Variants in ARG2 observed in about 807,000 individuals in gnomAD.
ARG2 encodes the protein arginase 2, also known as arginase-2, mitochondrial.
In ARG2, 21 loss-of-function variants were observed where a neutral mutation model predicts 39.4. The observed-to-expected ratio is 0.53, with a 90% CI of 0.38 to 0.77. The LOEUF (loss-of-function observed/expected upper bound fraction) is 0.77. Among genes scored for constraint, ARG2 ranks in the 30% least tolerant of loss-of-function variants. The probability of loss-of-function intolerance (pLI) is 0.00; values close to 1 mark genes in which losing one functional copy is unlikely to be tolerated. For synonymous variants in ARG2, 150 were observed against 156.7 expected, an observed-to-expected ratio of 0.96 and a Z score of 0.32; for missense variants, 378 against 426.2, an observed-to-expected ratio of 0.89 and a Z score of 1.00.
chr14:67,629,603 G>A (rs1354402061), intron 2 of ARG2, among the ~76,000 whole-genome samples: 1 of 149,396 alleles, frequency 6.7e-6, no homozygotes, highest in African/African-American at 2.4e-5. Flanking sequence ...GGAGATGGAT[G>A]ATGGTAGTGA....
chr14:67,627,970 A>G (rs2036884858), intron 2 of ARG2, among the ~76,000 whole-genome samples: 1 of 152,214 alleles, frequency 6.6e-6, no homozygotes, highest in African/African-American at 2.4e-5. Context: ...TTGGAAGAGT[A>G]AATGTCTAGC....
rs139496019 is a variant in ARG2, at chr14:67,642,336, G to T, written c.335G>T (p.Ser112Ile). 1.2e-6 allele frequency: 2 copies of T among 1,613,906 alleles called. No individual in the cohort carries two copies. Among genetic ancestry groups the T allele is most frequent in the Non-Finnish European group, 1.7e-6 (2 of 1,180,000 alleles). Residue 112 changes from serine (S) to isoleucine (I), a missense_variant, in exon 3 of 8, where the codon AGC (serine) becomes ATC (isoleucine). Ser to Ile is a moderately radical substitution (Grantham distance 142, BLOSUM62 -2). Coordinates refer to ENST00000261783, the MANE Select transcript of ARG2 (RefSeq NM_001172.4). ...AGCAGAGCTGTGTCAGATGGCTACA[G>T]CTGTGTCACACTGGGAGGAGACCAC... ...VVSRAVSDGY[S>I]CVTLGGDHSL... is the part of the protein sequence containing the mutation.
At position 67,645,920 on chromosome 14, in the gene ARG2, T is replaced by C. The variant is rs569364869; in HGVS notation, c.522+118T>C. The C allele has an allele frequency of 1.5e-5, 17 of 1,168,334 alleles. No individual in the cohort carries two copies. The South Asian group carries it at 2.4e-4, about 16-fold the overall frequency. 72.4% of individuals were successfully genotyped at this position (1,168,334 alleles called of 1,614,324 possible). On this transcript the variant is annotated intron_variant, in intron 4 of 7. Transcript: ENST00000261783. ...TGAGTGTGGATTACCACTCCTTCAT[T>C]TGTTCATCACTATTATGGACCAGGC...
intron 4 of ARG2, chr14:67,646,347 G>A: frequency 2.7e-6 from 1 of 367,254 alleles, no homozygotes; most frequent in South Asian, 4.5e-5. Context: ...TGTGCAATGG[G>A]ATAGAAAAGG....
chr14:67,647,879 A>G (rs1440307586), intron 6 of ARG2, 168 bp from the exon 7 acceptor site: 2 of 675,280 alleles, frequency 3.0e-6, no homozygotes, highest in Non-Finnish European at 4.9e-6. Flanking sequence ...TGCCAATCTC[A>G]GTAACTTCCA....
At chr14:67,624,140 C>G (rs937115006) in intron 2 of ARG2, among the ~76,000 whole-genome samples, 1 of 152,140 alleles carries the variant, frequency 6.6e-6, no homozygotes, top group East Asian at 1.9e-4. Context: ...TATCTGCACT[C>G]GATTTTGGTT....
At chr14:67,634,774 A>C (rs2036953947) in intron 2 of ARG2, among the ~76,000 whole-genome samples, 1 of 152,272 alleles carries the variant, frequency 6.6e-6, no homozygotes, top group Non-Finnish European at 1.5e-5. Context: ...AGTACAATTC[A>C]GAGGCAGAAC....
intron 7 of ARG2, chr14:67,649,293 A>C (rs2037141420): frequency 6.6e-6 from 1 of 152,172 alleles, no homozygotes; most frequent in Admixed American, 6.6e-5. Context: ...AGGCCAAGGC[A>C]AGAGGATTAC....
chr14:67,641,324 T>A lies in ARG2; in HGVS notation c.185-862T>A, dbSNP rs1001713846. Among the ~76,000 whole-genome samples the A allele has an allele frequency of 5.3e-5, 8 of 152,122 alleles. No homozygotes were observed. In the East Asian group the frequency reaches 9.6e-4, roughly 18 times the overall value. ...CAAATATTCCAAAATCTGAAAAAAA[T>A]AAAAAATCTAAAACACTTCTGGTCC... On this transcript the variant is annotated intron_variant, in intron 2 of 7. Transcript: ENST00000261783.
At position 67,648,045 on chromosome 14, in the gene ARG2, A is replaced by G. The variant is rs1261684074; in HGVS notation, c.723-2A>G. ...GTATTATTTTATCCTCTTCCTTTTT[A>G]GGAGACAAAGACCAATCCATTTGAG... is the stretch of plus-strand genomic sequence containing the variant. On this transcript the variant is annotated splice_acceptor_variant, in intron 6 of 7. Transcript: ENST00000261783. LOFTEE classifies it high-confidence loss of function. 1.2e-6 allele frequency: 2 copies of G among 1,607,490 alleles called. No individual in the cohort carries two copies. The highest frequency in any genetic ancestry group is 1.1e-5 in the South Asian group (1 of 90,246).
chr14:67,631,721 T>C (rs2036921054), intron 2 of ARG2, among the ~76,000 whole-genome samples: 1 of 152,152 alleles, frequency 6.6e-6, no homozygotes, highest in Non-Finnish European at 1.5e-5. Flanking sequence ...TGTGAGCCAC[T>C]GCATCTGGCC....
chr14:67,640,483 T>C (rs990482798), intron 2 of ARG2, among the ~76,000 whole-genome samples: 4 of 152,220 alleles, frequency 2.6e-5, no homozygotes, highest in African/African-American at 9.6e-5. Flanking sequence ...GCTCCTCAAA[T>C]TTTTATATTT....
intron 2 of ARG2, among the ~76,000 whole-genome samples, chr14:67,621,448 C>T (rs769711035): frequency 5.9e-5 from 9 of 151,634 alleles, no homozygotes; most frequent in Non-Finnish European, 1.0e-4. Flanking sequence ...CTATATTTTC[C>T]GTGTTCTTTT....
intron 2 of ARG2, among the ~76,000 whole-genome samples, chr14:67,627,521 A>C (rs2140721922): frequency 6.6e-6 from 1 of 152,246 alleles, no homozygotes; most frequent in African/African-American, 2.4e-5. Flanking sequence ...ACAGTGTCAT[A>C]TCTTTGGGAC....
Position 67,648,189 on chromosome 14 carries a change from T to TAGCAACCAGGTCTGC in ARG2, c.859+10_859+24dup. The TAGCAACCAGGTCTGC allele has an allele frequency of 6.2e-7, 1 of 1,611,562 alleles. No homozygotes were observed. The highest frequency in any genetic ancestry group is 1.1e-5 in the South Asian group (1 of 90,682). ...TGAGGAAATACACAATACAGGTATG[T>TAGCAACCAGGTCTGC]AGCAACCAGGTCTGCAGCCTGTTAA... On this transcript the variant is annotated splice_region_variant and intron_variant, in intron 7 of 7. Coordinates refer to ENST00000261783, the MANE Select transcript of ARG2 (RefSeq NM_001172.4).
chr14:67,647,000 C>T lies in ARG2; in HGVS notation c.697C>T (p.Arg233Ter), dbSNP rs145867978. The change falls in exon 6 of 8, where the codon CGA becomes TGA. Residue 233 changes from arginine (R) to a stop codon, truncating the protein, a stop_gained. Transcript: ENST00000261783. LOFTEE classifies it high-confidence loss of function. ...ACTTGGTATCCAGAAGGTCATGGAA[C>T]GAACATTTGATCTGCTGATTGGCAA... ...DRLGIQKVMERTFDLLIGKRQ... is the reference protein window; with the variant it reads ...DRLGIQKVME The T allele has an allele frequency of 2.8e-5, 45 of 1,611,898 alleles. No homozygotes were observed. In the African/African-American group the frequency reaches 3.1e-4, roughly 11 times the overall value.
chr14:67,641,711 G>C (rs4902504), intron 2 of ARG2, among the ~76,000 whole-genome samples: 111 of 152,202 alleles, frequency 7.3e-4, no homozygotes, highest in African/African-American at 2.6e-3. Context: ...AGGATGAGGC[G>C]GGAGGATCAG....
intron 3 of ARG2, among the ~76,000 whole-genome samples, chr14:67,642,725 G>A (rs1176804229): frequency 6.7e-6 from 1 of 148,658 alleles, no homozygotes; most frequent in Non-Finnish European, 1.5e-5. Context: ...GGCTGAATGT[G>A]CAAGTTTTTG....
intron 3 of ARG2, among the ~76,000 whole-genome samples, chr14:67,645,325 C>A (rs971038995): frequency 6.6e-6 from 1 of 152,098 alleles, no homozygotes; most frequent in Non-Finnish European, 1.5e-5. Flanking sequence ...AACTTGATTT[C>A]ATTCATTGAA....
Sources: allele counts gnomAD v4.1 joint callset (sites outside exome capture counted in the v4.1 genomes callset), GRCh38; gene constraint gnomAD v4.1.1; transcripts MANE v1.5; gene names NCBI Gene and HGNC (gene_info 2026-07-23, HGNC 2026-07-21).